Variants in LAMA2 observed in about 807,000 individuals in gnomAD.
LAMA2 encodes laminin subunit alpha-2.
A neutral mutation model predicts 364.8 loss-of-function variants in LAMA2; 269 were observed. The ratio of observed to expected loss-of-function variants is 0.74; its 90% confidence interval spans 0.67 to 0.82. LAMA2 has a LOEUF of 0.82. Among genes scored for constraint, LAMA2 ranks in the 40% least tolerant of loss-of-function variants. LAMA2 has a pLI of 0.00. For missense variants in LAMA2, 3,807 were observed against 3,873.2 expected (o/e 0.98, Z 0.45); for synonymous variants, 1,379 against 1,370.6 (o/e 1.01, Z -0.14).
intron 32 of LAMA2, among the ~76,000 whole-genome samples, 154 bp from the exon 33 acceptor site, chr6:129,366,065 T>C (rs1782320831): frequency 1.3e-5 from 2 of 152,208 alleles, no homozygotes; most frequent in Admixed American, 1.3e-4. Context: ...TCCTCAACCA[T>C]CATCCATTTG....
chr6:128,885,305 T>TA (rs1299810497), intron 1 of LAMA2, among the ~76,000 whole-genome samples: 1 of 152,240 alleles, frequency 6.6e-6, no homozygotes, highest in Non-Finnish European at 1.5e-5. Context: ...ATTTATGATT[T>TA]AAAAATGCCT....
At chr6:129,383,605 C>A (rs1002579463) in intron 35 of LAMA2, among the ~76,000 whole-genome samples, 14 of 152,148 alleles carry the variant, frequency 9.2e-5, no homozygotes, top group African/African-American at 3.1e-4. Flanking sequence ...TACATTAAAG[C>A]AGCACTTTAG....
At chr6:128,990,531 T>C (rs949507246) in intron 1 of LAMA2, among the ~76,000 whole-genome samples, 3 of 152,202 alleles carry the variant, frequency 2.0e-5, no homozygotes, top group African/African-American at 4.8e-5. Context: ...TGGGTCACCA[T>C]TGGAGGTAAT....
chr6:129,199,649 C>T (rs1782058817), intron 12 of LAMA2, among the ~76,000 whole-genome samples: 1 of 152,024 alleles, frequency 6.6e-6, no homozygotes. Context: ...AATTAATATA[C>T]AAAAGTCAAT....
intron 32 of LAMA2, among the ~76,000 whole-genome samples, chr6:129,361,352 C>G (rs1440434641): frequency 2.6e-5 from 4 of 152,208 alleles, no homozygotes; most frequent in African/African-American, 9.6e-5. Context: ...TGATCTGAAT[C>G]ACATGTGCAA....
At chr6:129,190,433 A>G (rs1219654684) in intron 11 of LAMA2, 88 bp downstream of exon 11, 1 of 1,298,338 alleles carries the variant, frequency 7.7e-7, no homozygotes, top group Non-Finnish European at 1.1e-6. Flanking sequence ...ACAGTTTCTG[A>G]TAGTGAACTT....
intron 28 of LAMA2, among the ~76,000 whole-genome samples, chr6:129,324,373 C>A (rs940955873): frequency 6.6e-6 from 1 of 152,152 alleles, no homozygotes; most frequent in Non-Finnish European, 1.5e-5. Flanking sequence ...TACAGTTACA[C>A]CAACATCATC....
chr6:129,281,369 C>T (rs1788708616), intron 18 of LAMA2, among the ~76,000 whole-genome samples: 1 of 152,122 alleles, frequency 6.6e-6, no homozygotes, highest in South Asian at 2.1e-4. Context: ...ATGACAGCTG[C>T]TCTGTCATAC....
intron 12 of LAMA2, among the ~76,000 whole-genome samples, chr6:129,233,688 C>T (rs1024795058): frequency 1.3e-5 from 2 of 152,076 alleles, no homozygotes; most frequent in Non-Finnish European, 2.9e-5. Flanking sequence ...TATAAATGGA[C>T]CGGACTTGCA....
chr6:129,313,479 A>C (rs1241941968), intron 23 of LAMA2, among the ~76,000 whole-genome samples: 1 of 152,228 alleles, frequency 6.6e-6, no homozygotes, highest in Non-Finnish European at 1.5e-5. Flanking sequence ...AGGCTTATAA[A>C]AACCATTTCT....
At chr6:129,467,217 C>G (rs1401412851) in intron 51 of LAMA2, among the ~76,000 whole-genome samples, 3 of 151,808 alleles carry the variant, frequency 2.0e-5, no homozygotes, top group African/African-American at 7.3e-5. Context: ...CAGGAATGGA[C>G]CTGGAGGTCA....
At chr6:129,122,705 C>G (rs1050635102) in intron 4 of LAMA2, among the ~76,000 whole-genome samples, 3 of 152,066 alleles carry the variant, frequency 2.0e-5, no homozygotes, top group African/African-American at 7.2e-5. Context: ...TTGATATACT[C>G]CGGTTCCCCC....
At chr6:129,049,799 A>G in intron 1 of LAMA2, 119 bp from the exon 2 acceptor site, 1 of 793,024 alleles carries the variant, frequency 1.3e-6, no homozygotes. Context: ...ATCATTAATT[A>G]TCTCATGTTG....
At position 129,478,736 on chromosome 6, in the gene LAMA2, A is replaced by T. The variant is rs1406950489; in HGVS notation, c.7495A>T (p.Ile2499Phe). Residue 2499 changes from isoleucine to phenylalanine, a missense_variant, in exon 54 of 65, where the codon ATT (isoleucine) becomes TTT (phenylalanine). Around this residue, in one of 3 missense-constraint regions of LAMA2, gnomAD observed 3,333 missense variants for 3,345.7 expected, o/e 1.00. Coordinates refer to ENST00000421865, the MANE Select transcript of LAMA2 (RefSeq NM_000426.4). Reference sequence around the variant, plus strand: ...GAAATATTCCGGCTGCCTCAAAGATATTGAAATTTCAAGAACTCCGTACAA... The same window carrying T: ...GAAATATTCCGGCTGCCTCAAAGATTTTGAAATTTCAAGAACTCCGTACAA... ...LKKYSGCLKD[I>F]EISRTPYNIL... is the part of the protein sequence containing the mutation. 2 of 1,613,130 alleles carry T rather than the reference A, an allele frequency of 1.2e-6. No homozygotes were observed. The highest frequency in any genetic ancestry group is 1.1e-5 in the South Asian group (1 of 91,070).
intron 29 of LAMA2, among the ~76,000 whole-genome samples, chr6:129,336,547 TATGAG>T (rs1219413078): frequency 6.6e-6 from 1 of 152,246 alleles, no homozygotes; most frequent in East Asian, 1.9e-4. Flanking sequence ...ACAATAAACT[TATGAG>T]ATAGACAAGA....
chr6:129,099,125 G>GTTTT (rs370334822), intron 4 of LAMA2, among the ~76,000 whole-genome samples: 115 of 129,688 alleles, frequency 8.9e-4, no homozygotes, highest in Non-Finnish European at 1.1e-3. Context: ...TTTTTTTTTT[G>GTTTT]TTTTTTTTTT....
At chr6:128,980,972 T>C (rs1160847109) in intron 1 of LAMA2, among the ~76,000 whole-genome samples, 2 of 152,184 alleles carry the variant, frequency 1.3e-5, no homozygotes, top group African/African-American at 4.8e-5. Context: ...TTCAATCCTT[T>C]CCAGTTACAA....
chr6:129,328,059 T>C (rs1775406490), intron 28 of LAMA2, among the ~76,000 whole-genome samples: 1 of 152,212 alleles, frequency 6.6e-6, no homozygotes, highest in Admixed American at 6.5e-5. Flanking sequence ...AAGCTTTCCT[T>C]GGTTAAAATC....
intron 40 of LAMA2, among the ~76,000 whole-genome samples, chr6:129,407,334 A>G (rs1051707457): frequency 6.6e-6 from 1 of 152,184 alleles, no homozygotes; most frequent in Non-Finnish European, 1.5e-5. Flanking sequence ...ATCTCCAAAT[A>G]AAGACAATAA....
Sources: allele counts gnomAD v4.1 joint callset (sites outside exome capture counted in the v4.1 genomes callset), GRCh38; gene constraint gnomAD v4.1.1; regional missense constraint gnomAD v4.1.1; transcripts MANE v1.5; gene names NCBI Gene and HGNC (gene_info 2026-07-23, HGNC 2026-07-21).